Variants in ARID1B observed in about 807,000 individuals in gnomAD.
ARID1B encodes AT-rich interactive domain-containing protein 1B.
In ARID1B, 30 loss-of-function variants were observed where a neutral mutation model predicts 212.3. That is an observed-to-expected ratio of 0.14 (90% confidence interval 0.11 to 0.19). The LOEUF is 0.19. Among genes scored for constraint, ARID1B ranks in the 10% least tolerant of loss-of-function variants. The pLI is 1.00. For synonymous variants in ARID1B, 1,402 were observed against 1,301.7 expected (o/e 1.08, Z -1.66); for missense variants, 2,891 against 3,204.0 (o/e 0.90, Z 2.36).
chr6:156,995,624 A>G (rs766879), intron 4 of ARID1B, among the ~76,000 whole-genome samples: 2,960 of 152,312 alleles, frequency 0.019, 81 homozygotes, highest in African/African-American at 0.065. Flanking sequence ...TCTAGACTTC[A>G]CTGACATGGA....
At chr6:156,795,527 T>G (rs1321396903) in intron 1 of ARID1B, among the ~76,000 whole-genome samples, 2 of 152,184 alleles carry the variant, frequency 1.3e-5, no homozygotes, top group African/African-American at 4.8e-5. Flanking sequence ...AATGCATAGT[T>G]AAAAGAACAG....
intron 1 of ARID1B, among the ~76,000 whole-genome samples, chr6:156,797,284 C>T (rs994057449): frequency 2.0e-5 from 3 of 151,996 alleles, no homozygotes; most frequent in Non-Finnish European, 2.9e-5. Context: ...GGGGTGCTGC[C>T]GTTTATTGTA....
chr6:157,181,271 TCA>T (rs1315373267), intron 12 of ARID1B, 93 bp downstream of exon 12: 1 of 1,451,616 alleles, frequency 6.9e-7, no homozygotes, highest in Non-Finnish European at 9.4e-7. Context: ...ATTTTTTTTC[TCA>T]CAAAGGAAAA....
At chr6:156,964,494 C>T (rs575624935) in intron 4 of ARID1B, among the ~76,000 whole-genome samples, 1 of 152,248 alleles carries the variant, frequency 6.6e-6, no homozygotes, top group South Asian at 2.1e-4. Context: ...ATTTAATATT[C>T]TATGTAGGGA....
At chr6:156,824,863 A>ATTTTTTTTTT (rs1244051858) in intron 1 of ARID1B, among the ~76,000 whole-genome samples, 1 of 145,132 alleles carries the variant, frequency 6.9e-6, no homozygotes. Flanking sequence ...CTTAGATTTG[A>ATTTTTTTTTT]TTTTTTTTTT....
In ARID1B at chr6:157,084,854, G is replaced by T. The variant is rs765365713; in HGVS notation, c.2440G>T (p.Val814Leu). 2 of 1,614,116 alleles carry T rather than the reference G, an allele frequency of 1.2e-6. No individual in the cohort carries two copies. The highest frequency in any genetic ancestry group is 1.7e-5 in the Admixed American group (1 of 60,024). ...ATCTCCCTCTCCTGTTGGCTCTCCT[G>T]TAGGAAGCAACCAGTCTCGATCTGG... Reference protein sequence around the residue: ...GPSPSPVGSPVGSNQSRSGPI... With the variant: ...GPSPSPVGSPLGSNQSRSGPI... The change falls in exon 5 of 20, where the codon GTA (valine) becomes TTA (leucine). Residue 814 changes from valine to leucine, a missense_variant. Transcript: ENST00000636930.
intron 4 of ARID1B, among the ~76,000 whole-genome samples, chr6:156,946,122 C>T (rs1359576639): frequency 6.7e-6 from 1 of 148,942 alleles, no homozygotes; most frequent in Non-Finnish European, 1.5e-5. Flanking sequence ...TTCAGGAGGC[C>T]AAGGCGGGCA....
At chr6:157,187,695 G>A (rs1793067276) in intron 13 of ARID1B, among the ~76,000 whole-genome samples, 1 of 151,240 alleles carries the variant, frequency 6.6e-6, no homozygotes, top group African/African-American at 2.4e-5. Context: ...TAGAGAGCCT[G>A]CCAGCCTCCT....
intron 2 of ARID1B, among the ~76,000 whole-genome samples, chr6:156,861,321 C>T (rs1463665307): frequency 1.3e-5 from 2 of 152,200 alleles, no homozygotes; most frequent in African/African-American, 4.8e-5. Flanking sequence ...CTAGACCAGG[C>T]CAGGCGTGGT....
chr6:156,890,372 T>C (rs1787827803), intron 2 of ARID1B, among the ~76,000 whole-genome samples: 1 of 152,230 alleles, frequency 6.6e-6, no homozygotes, highest in South Asian at 2.1e-4. Context: ...TATAAAAAAT[T>C]TGTCACGAAA....
chr6:156,827,464 G>C (rs1244769481), intron 1 of ARID1B, among the ~76,000 whole-genome samples: 1 of 152,214 alleles, frequency 6.6e-6, no homozygotes, highest in Non-Finnish European at 1.5e-5. Flanking sequence ...AACCTGACCT[G>C]CTTCCAGCTG....
intron 4 of ARID1B, among the ~76,000 whole-genome samples, chr6:157,016,744 AAAT>A (rs1448674577): frequency 1.3e-5 from 2 of 152,258 alleles, no homozygotes; most frequent in African/African-American, 4.8e-5. Flanking sequence ...ATACTTGGGT[AAAT>A]AATGATATTA....
At chr6:157,184,614 A>AG (rs1347356996) in intron 13 of ARID1B, 179 bp downstream of exon 13, 18 of 710,724 alleles carry the variant, frequency 2.5e-5, no homozygotes, top group Non-Finnish European at 3.1e-5. Flanking sequence ...AAGGGATGAG[A>AG]GAATTAAATC....
At chr6:157,031,457 T>C (rs576016770) in intron 4 of ARID1B, among the ~76,000 whole-genome samples, 3 of 152,314 alleles carry the variant, frequency 2.0e-5, no homozygotes, top group South Asian at 4.1e-4. Flanking sequence ...ATAAATATTA[T>C]TGTGACTGGA....
intron 5 of ARID1B, among the ~76,000 whole-genome samples, chr6:157,087,802 A>AG (rs750425307): frequency 3.2e-5 from 3 of 94,426 alleles, no homozygotes; most frequent in Non-Finnish European, 4.8e-5. Flanking sequence ...GTTTTCTTCT[A>AG]GAAAAAAAAA....
chr6:156,809,082 T>C (rs1781383108), intron 1 of ARID1B, among the ~76,000 whole-genome samples: 1 of 152,214 alleles, frequency 6.6e-6, no homozygotes, highest in Non-Finnish European at 1.5e-5. Context: ...ATAACCTAAT[T>C]TTATAAAGTA....
At chr6:157,187,914 C>T (rs187582268) in intron 13 of ARID1B, among the ~76,000 whole-genome samples, 29 of 152,028 alleles carry the variant, frequency 1.9e-4, no homozygotes, top group Admixed American at 1.6e-3. Context: ...GCCTGAATTT[C>T]GAAAGCAAGT....
chr6:157,073,115 T>C lies in ARID1B; in HGVS notation c.2248-11547T>C, dbSNP rs185995241. On this transcript the variant is annotated intron_variant, in intron 4 of 19. Transcript: ENST00000636930. ...TATTCACCCCATCTTTTTTTTTTTT[T>C]TTTTGGAGACACAGCCTCACTCTGT... Among the ~76,000 whole-genome samples the C allele has an allele frequency of 6.9e-4, 105 of 151,832 alleles. 1 individual carries two copies. Among genetic ancestry groups the C allele is most frequent in the South Asian group, 1.2e-3 (6 of 4,804 alleles).
In ARID1B at chr6:157,025,473, C is replaced by G. The variant is rs1470164279; in HGVS notation, c.2248-59189C>G. Among the ~76,000 whole-genome samples, 5 of 152,346 alleles carry G rather than the reference C, an allele frequency of 3.3e-5. No homozygotes were observed. The East Asian group carries it at 9.6e-4, about 29-fold the overall frequency. ...CTCTATCTTTATAGTTAGTCCCTCT[C>G]TGTTAACACCCAAGTCCTGGCTGCC... On this transcript the variant is annotated intron_variant, in intron 4 of 19. Transcript: ENST00000636930.
Sources: allele counts gnomAD v4.1 joint callset (sites outside exome capture counted in the v4.1 genomes callset), GRCh38; gene constraint gnomAD v4.1.1; transcripts MANE v1.5; gene names NCBI Gene and HGNC (gene_info 2026-07-23, HGNC 2026-07-21).